Variants in NEK11 observed in about 807,000 individuals in gnomAD.
NEK11 encodes the protein serine/threonine-protein kinase Nek11.
In NEK11, 72 loss-of-function variants were observed where a neutral mutation model predicts 80.7. That is an observed-to-expected ratio of 0.89 (90% CI 0.74 to 1.08). The LOEUF (loss-of-function observed/expected upper bound fraction) is 1.08, where lower values mean the gene tolerates loss of function less well. NEK11 is among the 50% of genes least tolerant of loss of function. The probability of loss-of-function intolerance (pLI) is 0.00; values close to 1 mark genes in which losing one functional copy is unlikely to be tolerated. For synonymous variants in NEK11, 251 were observed against 260.7 expected (o/e 0.96, Z 0.36); for missense variants, 764 against 763.6 (o/e 1.00, Z -0.01).
intron 17 of NEK11, among the ~76,000 whole-genome samples, chr3:131,343,040 T>A (rs1197620871): frequency 1.3e-5 from 2 of 152,150 alleles, no homozygotes; most frequent in Non-Finnish European, 2.9e-5. Context: ...GAGGAGTGGA[T>A]TCAGAAAGAG....
intron 17 of NEK11, among the ~76,000 whole-genome samples, chr3:131,311,846 C>T (rs2096785151): frequency 1.3e-5 from 2 of 152,134 alleles, no homozygotes; most frequent in African/African-American, 4.8e-5. Flanking sequence ...AAAGATTTAG[C>T]AAAAATTGTA....
Position 131,093,344 on chromosome 3 carries a change from A to G in NEK11, c.336+12756A>G, listed in dbSNP as rs183209575. Among the ~76,000 whole-genome samples the G allele has an allele frequency of 3.9e-3, 594 of 152,316 alleles. 2 individuals are homozygous for G. The highest frequency in any genetic ancestry group is 6.6e-3 in the Non-Finnish European group (450 of 68,028). On this transcript the variant is annotated intron_variant, in intron 4 of 17. Coordinates refer to ENST00000383366, the MANE Select transcript of NEK11 (RefSeq NM_024800.5). ...ATAATTTAGCTGCAAAACCCTCAAT[A>G]TAGGTTTTTCCTACTATTAGATTTA...
intron 5 of NEK11, among the ~76,000 whole-genome samples, chr3:131,120,470 C>T (rs573349583): frequency 3.8e-4 from 58 of 152,204 alleles, no homozygotes; most frequent in Middle Eastern, 3.4e-3. Context: ...AGTTGCTCGT[C>T]TTGAGGAGTT....
In NEK11 at chr3:131,214,131, G is replaced by A. The variant is rs138393269; in HGVS notation, c.1400-14397G>A. On this transcript the variant is annotated intron_variant, in intron 14 of 17. Coordinates refer to ENST00000383366, the MANE Select transcript of NEK11 (RefSeq NM_024800.5). ...TCAAAACTGTGAGAAATAAATTTCT[G>A]TTGTTTAAGCCACCTAGTCTATAGT... 1.3e-4 allele frequency among the ~76,000 whole-genome samples: 20 copies of A among 152,318 alleles called. No individual in the cohort carries two copies. The East Asian group carries it at 2.9e-3, about 22-fold the overall frequency.
At chr3:131,187,516 T>C (rs1171727875) in intron 14 of NEK11, among the ~76,000 whole-genome samples, 1 of 152,172 alleles carries the variant, frequency 6.6e-6, no homozygotes, top group African/African-American at 2.4e-5. Flanking sequence ...ACTGAAATTC[T>C]CAAATACTGA....
At chr3:131,074,538 T>A (rs1444913599) in intron 3 of NEK11, among the ~76,000 whole-genome samples, 1 of 152,164 alleles carries the variant, frequency 6.6e-6, no homozygotes. Context: ...TATAATATAA[T>A]GTATAAAGTC....
chr3:131,126,138 T>C (rs2149514621), intron 5 of NEK11, among the ~76,000 whole-genome samples: 1 of 152,328 alleles, frequency 6.6e-6, no homozygotes, highest in East Asian at 1.9e-4. Flanking sequence ...ATTGTGTCCT[T>C]CTTTTCTATT....
At chr3:131,326,944 T>G (rs2096977237) in intron 17 of NEK11, among the ~76,000 whole-genome samples, 1 of 152,180 alleles carries the variant, frequency 6.6e-6, no homozygotes, top group African/African-American at 2.4e-5. Flanking sequence ...CTCAGAGAGA[T>G]AATTGCCCCC....
At chr3:131,163,753 A>C (rs139280423) in intron 11 of NEK11, among the ~76,000 whole-genome samples, 59 of 152,346 alleles carry the variant, frequency 3.9e-4, no homozygotes, top group African/African-American at 1.4e-3. Flanking sequence ...CAATGTATAC[A>C]TATATAAAAA....
At chr3:131,162,550 A>C (rs779706709) in intron 11 of NEK11, 23 bp downstream of exon 11, 1 of 1,613,312 alleles carries the variant, frequency 6.2e-7, no homozygotes, top group East Asian at 2.2e-5. Flanking sequence ...TCCTTTAGGC[A>C]CTCATGCTCG....
chr3:131,046,085 A>T (rs2109849008), intron 3 of NEK11, among the ~76,000 whole-genome samples: 1 of 152,176 alleles, frequency 6.6e-6, no homozygotes, highest in South Asian at 2.1e-4. Context: ...TTTTAAGTGG[A>T]GCATTTATGT....
At chr3:131,264,200 A>G (rs1351452192) in intron 16 of NEK11, among the ~76,000 whole-genome samples, 18 of 152,178 alleles carry the variant, frequency 1.2e-4, no homozygotes, top group Non-Finnish European at 4.4e-5. Context: ...TTTGCTGTGC[A>G]GAAGCTCTTT....
At chr3:131,270,227 C>T (rs151166459) in intron 16 of NEK11, among the ~76,000 whole-genome samples, 1 of 152,314 alleles carries the variant, frequency 6.6e-6, no homozygotes, top group African/African-American at 2.4e-5. Context: ...CAGCTTTTCT[C>T]TTGTTTCTTG....
Position 131,154,112 on chromosome 3 carries a change from G to A in NEK11, c.877-924G>A, listed in dbSNP as rs116756267. Among the ~76,000 whole-genome samples the A allele has an allele frequency of 4.6e-3, 705 of 152,194 alleles. 4 individuals are homozygous for A. Among genetic ancestry groups the A allele is most frequent in the African/African-American group, 0.015 (641 of 41,514 alleles). ...CTCAGGGAAGCCCATGCGGTCATGGGGAAGGCTAGACAGGAGAGGGAGGCA... is the reference window on the plus strand; with the variant it reads ...CTCAGGGAAGCCCATGCGGTCATGGAGAAGGCTAGACAGGAGAGGGAGGCA... On this transcript the variant is annotated intron_variant, in intron 9 of 17. Coordinates refer to ENST00000383366, the MANE Select transcript of NEK11 (RefSeq NM_024800.5).
intron 5 of NEK11, among the ~76,000 whole-genome samples, chr3:131,120,601 G>A (rs560006698): frequency 9.3e-4 from 141 of 152,144 alleles, no homozygotes; most frequent in African/African-American, 3.2e-3. Flanking sequence ...TCTCCCTGTC[G>A]CTTTCAGGTA....
intron 16 of NEK11, among the ~76,000 whole-genome samples, chr3:131,252,432 C>A (rs1352839656): frequency 2.6e-5 from 4 of 152,088 alleles, no homozygotes; most frequent in Non-Finnish European, 5.9e-5. Flanking sequence ...CTTCGAAACC[C>A]TGAAAATGCT....
intron 4 of NEK11, among the ~76,000 whole-genome samples, chr3:131,096,689 T>C (rs1476612564): frequency 6.6e-6 from 1 of 152,132 alleles, no homozygotes; most frequent in Non-Finnish European, 1.5e-5. Context: ...TGCCATTATC[T>C]GTTGTTTTTT....
At chr3:131,130,904 C>T (rs1240971393) in intron 5 of NEK11, among the ~76,000 whole-genome samples, 3 of 152,270 alleles carry the variant, frequency 2.0e-5, no homozygotes, top group South Asian at 2.1e-4. Context: ...CGGGTTCAAG[C>T]GATTCTCCTG....
intron 16 of NEK11, among the ~76,000 whole-genome samples, chr3:131,247,082 G>C (rs1444639661): frequency 6.6e-6 from 1 of 152,030 alleles, no homozygotes; most frequent in Non-Finnish European, 1.5e-5. Flanking sequence ...TGTTAATTCT[G>C]CTGTTTATTT....
Sources: gnomAD v4.1 joint callset for allele counts (sites outside exome capture counted in the v4.1 genomes callset) on GRCh38, gnomAD v4.1.1 for gene constraint, MANE v1.5 for transcripts, NCBI Gene and HGNC (gene_info 2026-07-23, HGNC 2026-07-21) for gene names.